Variants in RSRC2 observed in about 807,000 individuals in gnomAD.
RSRC2 encodes arginine and serine rich coiled-coil 2.
RSRC2 carries 5 observed loss-of-function variants against 61.3 expected under a neutral mutation model. The ratio of observed to expected loss-of-function variants is 0.08; its 90% CI spans 0.04 to 0.17. RSRC2 has a LOEUF of 0.17. RSRC2 is among the 10% of genes least tolerant of loss of function. The pLI, the probability that RSRC2 is intolerant of heterozygous loss-of-function variation, is 1.00. For missense variants in RSRC2, 381 were observed against 518.8 expected, an observed-to-expected ratio of 0.73 and a Z score of 2.58; for synonymous variants, 202 against 166.5, an observed-to-expected ratio of 1.21 and a Z score of -1.64.
chr12:122,516,668 A>C (rs1380017455), intron 5 of RSRC2, among the ~76,000 whole-genome samples: 1 of 152,214 alleles, frequency 6.6e-6, no homozygotes, highest in Non-Finnish European at 1.5e-5. Context: ...TAATAAAATT[A>C]ATACAACAAA....
intron 9 of RSRC2, 121 bp downstream of exon 9, chr12:122,506,713 G>A: frequency 1.5e-6 from 1 of 672,926 alleles, no homozygotes; most frequent in Non-Finnish European, 2.7e-6. Flanking sequence ...ACAAAAGGTG[G>A]TGGGAAAGAA....
chr12:122,514,985 A>C, intron 6 of RSRC2, 120 bp downstream of exon 6: 3 of 1,101,600 alleles, frequency 2.7e-6, no homozygotes, highest in Non-Finnish European at 3.9e-6. Flanking sequence ...GATCACAAAT[A>C]TGCCACCATA....
rs1294948811 is a variant in RSRC2, at chr12:122,504,962, C to A, written c.*565G>T. 2 of 152,540 alleles carry A rather than the reference C, an allele frequency of 1.3e-5. No individual in the cohort carries two copies. Among genetic ancestry groups the A allele is most frequent in the Admixed American group, 1.3e-4 (2 of 15,252 alleles). The allele number at this position is 152,540 out of a possible 1,614,324, so 9.4% of individuals were successfully genotyped here. A position where few individuals can be genotyped will look rare whatever the true frequency, so the allele number is the denominator to read the frequency against. On this transcript the variant is annotated 3_prime_UTR_variant, in exon 10 of 10. Coordinates refer to ENST00000331738, the MANE Select transcript of RSRC2 (RefSeq NM_023012.6). ...AAAAAGGGTGGTGGGGAGGGGATTT[C>A]TAGCTAGTGTTTTCTAACAGCAATT...
chr12:122,510,733 T>C (rs1044560902), intron 7 of RSRC2, among the ~76,000 whole-genome samples: 17 of 152,012 alleles, frequency 1.1e-4, no homozygotes, highest in African/African-American at 2.9e-4. Context: ...TCTATATTTT[T>C]CAATTTTTCT....
chr12:122,508,363 G>A lies in RSRC2; in HGVS notation c.890C>T (p.Ala297Val). 1 of 1,614,164 alleles carries A rather than the reference G, an allele frequency of 6.2e-7. No homozygotes were observed. Among genetic ancestry groups the A allele is most frequent in the Non-Finnish European group, 8.5e-7 (1 of 1,180,010 alleles). Residue 297 changes from alanine (A) to valine (V), a missense_variant, in exon 8 of 10, where the codon GCT (alanine) becomes GTT (valine). Around this residue, in one of 4 missense-constraint regions of RSRC2, gnomAD observed 78 missense variants for 183.0 expected, o/e 0.43. Transcript: ENST00000331738. ...TTTAGCTTGCAGGGCTGCCATCTGA[G>A]CTGCCATGGCTATCTGAGGTGTTAC... ...TQVTPQIAMAAQMAALQAKAL... is the reference protein window; with the variant it reads ...TQVTPQIAMAVQMAALQAKAL...
At position 122,521,402 on chromosome 12, in the gene RSRC2, G is replaced by A. The variant is rs751748810; in HGVS notation, c.190C>T (p.Arg64Trp). 5 of 1,612,072 alleles carry A rather than the reference G, an allele frequency of 3.1e-6. No homozygotes were observed. Among genetic ancestry groups the A allele is most frequent in the South Asian group, 1.1e-5 (1 of 90,992 alleles). Residue 64 changes from arginine to tryptophan, a missense_variant, in exon 3 of 10, where the codon CGG (arginine) becomes TGG (tryptophan). Arg to Trp is a moderately radical substitution (Grantham distance 101, BLOSUM62 -3). Around this residue, in one of 4 missense-constraint regions of RSRC2, gnomAD observed 266 missense variants for 270.5 expected, o/e 0.98. Transcript: ENST00000331738. ...TTAATTACCTCTTTGCTTCTGCTCC[G>A]GCTCCTGTGTTTTCTTCCTTCATTA... ...SDNEGRKHRS[R>W]SRSKEGRRHE...
rs530291242 is a variant in RSRC2, at chr12:122,509,975, C to A, written c.805+1134G>T. On this transcript the variant is annotated intron_variant, in intron 7 of 9. Transcript: ENST00000331738. ...TAGCTGGGACTATAGGCACACACAA[C>A]CACGCCTGGCTAATTTTTGTATTTT... Among the ~76,000 whole-genome samples, 34 of 152,208 alleles carry A rather than the reference C, an allele frequency of 2.2e-4. No individual in the cohort carries two copies. In the South Asian group the frequency reaches 6.9e-3, roughly 31 times the overall value.
At chr12:122,513,473 T>C (rs1243036781) in intron 6 of RSRC2, among the ~76,000 whole-genome samples, 1 of 151,940 alleles carries the variant, frequency 6.6e-6, no homozygotes, top group Non-Finnish European at 1.5e-5. Context: ...CACCAAGTAA[T>C]CTATATATCA....
chr12:122,525,671 T>C (rs911512151), intron 1 of RSRC2, among the ~76,000 whole-genome samples: 1 of 152,194 alleles, frequency 6.6e-6, no homozygotes, highest in Non-Finnish European at 1.5e-5. Context: ...CATTTTCCTT[T>C]TAACGGAATA....
Position 122,519,094 on chromosome 12 carries a change from C to A in RSRC2, c.208-65G>T, listed in dbSNP as rs370068152. On this transcript the variant is annotated intron_variant, in intron 3 of 9. Transcript: ENST00000331738. ...CAACAAAGAGAGTTAGTATGGGTAT[C>A]AGTAGACAAAAATGTTGTGATGCAA... is the stretch of plus-strand genomic sequence containing the variant. 1.8e-4 allele frequency: 244 copies of A among 1,339,506 alleles called. 1 individual carries two copies. Among genetic ancestry groups the A allele is most frequent in the Non-Finnish European group, 2.4e-4 (228 of 942,198 alleles). The allele number at this position is 1,339,506 out of a possible 1,614,324, so 83.0% of individuals were successfully genotyped here.
rs773715607 is a variant in RSRC2, at chr12:122,511,204, C to T, written c.726-16G>A. On this transcript the variant is annotated splice_polypyrimidine_tract_variant and intron_variant, in intron 6 of 9. Transcript: ENST00000331738. ...CCTTTCCAACCTGCAAAATTAATTT[C>T]AATGAATTTAAAATAACACAATATA... 1 of 1,568,490 alleles carries T rather than the reference C, an allele frequency of 6.4e-7. No homozygotes were observed. The highest frequency in any genetic ancestry group is 8.7e-7 in the Non-Finnish European group (1 of 1,146,016).
At chr12:122,526,464 C>T (rs940992853) in intron 1 of RSRC2, among the ~76,000 whole-genome samples, 10 of 152,218 alleles carry the variant, frequency 6.6e-5, no homozygotes, top group Admixed American at 6.5e-4. Flanking sequence ...TTTTCAGAGA[C>T]CACTCCTGAT....
intron 9 of RSRC2, 73 bp from the exon 10 acceptor site, chr12:122,505,779 T>G: frequency 2.2e-6 from 3 of 1,368,368 alleles, no homozygotes; most frequent in Non-Finnish European, 3.0e-6. Flanking sequence ...CACTATTTTT[T>G]ATGTATTTTT....
intron 6 of RSRC2, among the ~76,000 whole-genome samples, chr12:122,514,261 TGTGTG>T (rs1219897950): frequency 6.7e-5 from 8 of 119,300 alleles, no homozygotes; most frequent in Non-Finnish European, 1.4e-4. Context: ...TGTGTGTGTG[TGTGTG>T]TGTGTTTTTT....
rs1957994218 is a variant in RSRC2, at chr12:122,503,852, G to C, written c.*1675C>G. The C allele has an allele frequency of 1.3e-5, 2 of 152,162 alleles. No homozygotes were observed. 9.4% of individuals were successfully genotyped at this position (152,162 alleles called of 1,614,324 possible). A position where few individuals can be genotyped will look rare whatever the true frequency, so the allele number is the denominator to read the frequency against. On this transcript the variant is annotated 3_prime_UTR_variant, in exon 10 of 10. Transcript: ENST00000331738. ...ACCCCATCACTTTGGGAGCCCTGAG[G>C]TGGGAGGATTGCTTGAGGCCAGGAA...
intron 5 of RSRC2, among the ~76,000 whole-genome samples, chr12:122,516,657 A>G (rs1958953294): frequency 6.6e-6 from 1 of 152,194 alleles, no homozygotes; most frequent in Non-Finnish European, 1.5e-5. Context: ...GTTATTTGTG[A>G]TAATAAAATT....
rs1205994337 is a variant in RSRC2 at position 122,517,328 on chromosome 12, G to A, written c.501C>T (p.Ser167=). 1 of 1,613,782 alleles carries A rather than the reference G, an allele frequency of 6.2e-7. No individual in the cohort carries two copies. Among genetic ancestry groups the A allele is most frequent in the Admixed American group, 1.7e-5 (1 of 60,010 alleles). Residue 167 remains serine (S), a synonymous_variant, in exon 5 of 10, where the codon TCC becomes TCT. Transcript: ENST00000331738. ...TCCGCCGTTTTCTTTCCCTGCTTCTGGATCTCGATTTCTTCCTCTCTCTGC... is the reference window on the plus strand; with the variant it reads ...TCCGCCGTTTTCTTTCCCTGCTTCTAGATCTCGATTTCTTCCTCTCTCTGC... ...SRSRERKKSR[S]RSRERKRRIR...
rs781223402 is a variant in RSRC2, at chr12:122,518,841, T to G, written c.396A>C (p.Glu132Asp). The G allele has an allele frequency of 3.1e-6, 5 of 1,613,242 alleles. No individual in the cohort carries two copies. The highest frequency in any genetic ancestry group is 1.1e-5 in the South Asian group (1 of 91,074). The change falls in exon 4 of 10, where the codon GAA (glutamate) becomes GAC (aspartate). Residue 132 changes from glutamate (E) to aspartate (D), a missense_variant and splice_region_variant. Glu to Asp is a conservative substitution (Grantham distance 45). Around this residue, in one of 4 missense-constraint regions of RSRC2, gnomAD observed 266 missense variants for 270.5 expected, o/e 0.98. Transcript: ENST00000331738. ...GRSHSRSRSR[E>D]RRHRSRSRER... ...CATTATAATACAACATGACTTACCT[T>G]TCACGAGACCTAGATCTTGAGTGAC...
chr12:122,507,015 A>AC (rs1491494199), intron 8 of RSRC2, 92 bp from the exon 9 acceptor site: 1 of 716,206 alleles, frequency 1.4e-6, no homozygotes, highest in African/African-American at 1.8e-5. Flanking sequence ...AAAAAAAAAA[A>AC]CACCATGGAT....
Sources: gnomAD v4.1 joint callset for allele counts (sites outside exome capture counted in the v4.1 genomes callset) on GRCh38, gnomAD v4.1.1 for gene constraint, gnomAD v4.1.1 regional missense constraint, MANE v1.5 for transcripts, NCBI Gene and HGNC (gene_info 2026-07-23, HGNC 2026-07-21) for gene names.